Variants in ERAP1 observed in about 807,000 individuals in gnomAD.
ERAP1 encodes endoplasmic reticulum aminopeptidase 1.
In ERAP1, 86 loss-of-function variants were observed where a neutral mutation model predicts 103.7. The ratio of observed to expected loss-of-function variants is 0.83; its 90% CI spans 0.70 to 0.99. The LOEUF (loss-of-function observed/expected upper bound fraction) is 0.99. Among genes scored for constraint, ERAP1 ranks in the 50% least tolerant of loss-of-function variants. The probability of loss-of-function intolerance (pLI) is 0.00; values close to 1 mark genes in which losing one functional copy is unlikely to be tolerated. For synonymous variants in ERAP1, 398 were observed against 402.4 expected (o/e 0.99, Z 0.13); for missense variants, 1,009 against 1,128.4 (o/e 0.89, Z 1.52).
Position 96,788,516 on chromosome 5 carries a change from C to T in ERAP1, c.1679+15G>A. ...TACCTAGACAACAAAACAAATTTTACTCTAGGAGCATTACCCAGTGTCCGG... is the reference window on the plus strand; with the variant it reads ...TACCTAGACAACAAAACAAATTTTATTCTAGGAGCATTACCCAGTGTCCGG... On this transcript the variant is annotated intron_variant, in intron 11 of 18. Transcript: ENST00000443439. 6.2e-7 allele frequency: 1 copy of T among 1,613,910 alleles called. No individual in the cohort carries two copies. The highest frequency in any genetic ancestry group is 8.5e-7 in the Non-Finnish European group (1 of 1,180,030).
chr5:96,784,149 A>G, intron 13 of ERAP1, 69 bp from the exon 14 acceptor site: 1 of 1,499,580 alleles, frequency 6.7e-7, no homozygotes, highest in Non-Finnish European at 9.3e-7. Flanking sequence ...GCTTCAAAAT[A>G]TATTTTAATC....
At chr5:96,811,769 G>T (rs2151027997), upstream of ERAP1, among the ~76,000 whole-genome samples, 1 of 152,326 alleles carries the variant, frequency 6.6e-6, no homozygotes, top group South Asian at 2.1e-4. Context: ...TGTGGATCCT[G>T]AAGAACATTC....
chr5:96,768,046 A>G, intron 19 of ERAP1: 2 of 1,148,540 alleles, frequency 1.7e-6, no homozygotes, highest in Non-Finnish European at 2.6e-6. Context: ...GTGTGTGTGT[A>G]TGTGTACATA....
chr5:96,797,304 T>C lies in ERAP1; in HGVS notation c.669A>G (p.Lys223=), dbSNP rs1326346853. The C allele has an allele frequency of 1.2e-6, 2 of 1,613,946 alleles. No individual in the cohort carries two copies. The highest frequency in any genetic ancestry group is 1.1e-5 in the South Asian group (1 of 91,076). ...TGAGTCCTTCAGCAACAGTCACAGA[T>C]TTCACCTAAAATCAGAATAATTCAA... is the stretch of plus-strand genomic sequence containing the variant. ...HLAISNMPLV[K]SVTVAEGLIE... is the part of the protein sequence containing the mutation. The change falls in exon 4 of 19, where the codon AAA becomes AAG. Residue 223 remains lysine (K), a synonymous_variant. Coordinates refer to ENST00000443439, the MANE Select transcript of ERAP1 (RefSeq NM_001040458.3).
chr5:96,933,255 T>C, the ERAP1 span, among the ~76,000 whole-genome samples: 2 of 139,354 alleles, frequency 1.4e-5, no homozygotes, highest in Non-Finnish European at 1.5e-5. Flanking sequence ...TCTTGCTCTG[T>C]CGCCCAGGCT....
the ERAP1 span, among the ~76,000 whole-genome samples, chr5:96,817,386 T>C: frequency 2.0e-5 from 3 of 152,196 alleles, no homozygotes; most frequent in Non-Finnish European, 1.5e-5. Flanking sequence ...ATCAAAGCAA[T>C]AAATAATGCC....
chr5:96,865,065 G>A, the ERAP1 span, among the ~76,000 whole-genome samples: 1 of 152,026 alleles, frequency 6.6e-6, no homozygotes, highest in Non-Finnish European at 1.5e-5. Flanking sequence ...ATTTTTCTAT[G>A]GATTTTTAGC....
the ERAP1 span, chr5:96,873,500 G>C: frequency 2.2e-6 from 1 of 455,148 alleles, no homozygotes; most frequent in Non-Finnish European, 4.4e-6. Flanking sequence ...GTGGCTTCTT[G>C]GGGCTGGCAT....
chr5:96,821,662 C>CA, the ERAP1 span, among the ~76,000 whole-genome samples: 1 of 152,188 alleles, frequency 6.6e-6, no homozygotes, highest in East Asian at 1.9e-4. Context: ...AATATGTAGT[C>CA]AAAGAAAGAG....
chr5:96,785,544 G>A, intron 13 of ERAP1: 1 of 499,338 alleles, frequency 2.0e-6, no homozygotes, highest in Non-Finnish European at 3.6e-6. Flanking sequence ...TTCCGCCTCA[G>A]TATGATCTGA....
chr5:96,767,585 G>T, intron 19 of ERAP1: 1 of 802,364 alleles, frequency 1.2e-6, no homozygotes, highest in East Asian at 2.6e-5. Flanking sequence ...CCTACTCTGT[G>T]CCTGGTACTT....
downstream of ERAP1, chr5:96,774,060 C>CTAT (rs1411979596): frequency 1.3e-5 from 2 of 152,458 alleles, no homozygotes; most frequent in African/African-American, 2.4e-5. Context: ...AGTCATTATT[C>CTAT]TATTTTTAAG....
the ERAP1 span, among the ~76,000 whole-genome samples, chr5:96,865,593 A>C: frequency 6.6e-6 from 1 of 152,224 alleles, no homozygotes; most frequent in Non-Finnish European, 1.5e-5. Context: ...GAAAATAAAT[A>C]CAATTTCCAA....
chr5:96,783,631 C>A (rs1775558745), intron 14 of ERAP1, among the ~76,000 whole-genome samples: 1 of 152,008 alleles, frequency 6.6e-6, no homozygotes, highest in African/African-American at 2.4e-5. Context: ...GAACGTCAGC[C>A]ATTGTAATAG....
chr5:96,830,117 A>G, the ERAP1 span, among the ~76,000 whole-genome samples: 1 of 152,172 alleles, frequency 6.6e-6, no homozygotes, highest in Non-Finnish European at 1.5e-5. Context: ...ACCCTGGTAA[A>G]TATCTCACTG....
At chr5:96,837,453 C>T in the ERAP1 span, among the ~76,000 whole-genome samples, 1 of 152,202 alleles carries the variant, frequency 6.6e-6, no homozygotes, top group Non-Finnish European at 1.5e-5. Flanking sequence ...TGGACCCAGG[C>T]AGGAGCTTCA....
rs756927262 is a variant in ERAP1 at position 96,786,534 on chromosome 5, A to G, written c.1695T>C (p.Val565=). ...ATTTGCTGGTGATGAATGTCAATGG[A>G]ACATGCCACAGGTACCTAAAATAAA... ...GAPDTGYLWH[V]PLTFITSKSD... is the part of the protein sequence containing the mutation. Residue 565 remains valine, a synonymous_variant, in exon 12 of 19, where the codon GTT becomes GTC. Transcript: ENST00000443439. 138 of 1,611,440 alleles carry G rather than the reference A, an allele frequency of 8.6e-5. No individual in the cohort carries two copies. In the Middle Eastern group the frequency reaches 1.5e-3, roughly 18 times the overall value.
At chr5:96,889,347 A>T in the ERAP1 span, 1 of 1,610,964 alleles carries the variant, frequency 6.2e-7, no homozygotes. Context: ...TTTTGCTCAT[A>T]AAACTTGCTT....
the ERAP1 span, among the ~76,000 whole-genome samples, chr5:96,816,856 T>C: frequency 6.6e-6 from 1 of 152,266 alleles, no homozygotes; most frequent in Non-Finnish European, 1.5e-5. Flanking sequence ...TCTGCCCTAC[T>C]CACCCTCCAT....
Sources: gnomAD v4.1 joint callset for allele counts (sites outside exome capture counted in the v4.1 genomes callset) on GRCh38, gnomAD v4.1.1 for gene constraint, MANE v1.5 for transcripts, NCBI Gene and HGNC (gene_info 2026-07-23, HGNC 2026-07-21) for gene names.